The following LIG3 variants were observed in gnomAD, a reference collection of about 807,000 sequenced individuals.
LIG3 encodes the protein DNA ligase 3, also known as ligase II, DNA, ATP-dependent.
Under a neutral mutation model 110.9 loss-of-function variants are expected in LIG3, and 58 were observed. The observed-to-expected ratio is 0.52, with a 90% CI of 0.42 to 0.65. LIG3 has a LOEUF of 0.65. LIG3 is among the 30% of genes least tolerant of loss of function. The pLI is 0.00. For missense variants in LIG3, 1,094 were observed against 1,273.8 expected (o/e 0.86, Z 2.15); for synonymous variants, 422 against 472.8 (o/e 0.89, Z 1.39).
At position 34,996,649 on chromosome 17, in the gene LIG3, G is replaced by A. The variant is rs1165451128; in HGVS notation, c.1819G>A (p.Asp607Asn). The change falls in exon 11 of 20, where the codon GAC (aspartate) becomes AAC (asparagine). Residue 607 changes from aspartate (D) to asparagine (N), a missense_variant. Physicochemically the swap from Asp to Asn is conservative, Grantham distance 23. Transcript: ENST00000378526. ...CIYFNDVSLM[D>N]RPLCERRKFL... ...CTACTTTAATGATGTCAGCTTGATG[G>A]ACAGGTGAGTTGGCTAGCATCTTTA... is the stretch of plus-strand genomic sequence containing the variant. The A allele has an allele frequency of 1.2e-6, 2 of 1,613,138 alleles. No individual in the cohort carries two copies. Among genetic ancestry groups the A allele is most frequent in the Admixed American group, 3.3e-5 (2 of 60,016 alleles).
rs756204673 is a variant in LIG3 at position 35,004,276 on chromosome 17, T to C, written c.2800T>C (p.Leu934=). The change falls in exon 20 of 20, where the codon TTG becomes CTG. Residue 934 remains leucine (L), a synonymous_variant. Transcript: ENST00000378526. ...ADETLCQTKV[L]LDIFTGVRLY... Reference sequence around the variant, plus strand: ...CCTGACCCCTCTGCATTTGCAGGTATTGCTGGACATCTTCACTGGGGTGCG... The same window carrying C: ...CCTGACCCCTCTGCATTTGCAGGTACTGCTGGACATCTTCACTGGGGTGCG... 2 of 1,613,954 alleles carry C rather than the reference T, an allele frequency of 1.2e-6. No homozygotes were observed. Among genetic ancestry groups the C allele is most frequent in the Non-Finnish European group, 1.7e-6 (2 of 1,179,874 alleles).
At chr17:34,991,308 T>C in intron 5 of LIG3, 194 bp downstream of exon 5, 1 of 609,794 alleles carries the variant, frequency 1.6e-6, no homozygotes, top group Non-Finnish European at 2.8e-6. Flanking sequence ...TTTCTGAGGG[T>C]GGAAACCATA....
At position 34,983,521 on chromosome 17, in the gene LIG3, T is replaced by C. The variant is rs2090626458; in HGVS notation, c.516T>C (p.Asn172=). The change falls in exon 2 of 20, where the codon AAT becomes AAC. Residue 172 remains asparagine (N), a synonymous_variant. Transcript: ENST00000378526. ...AAGGCTGGGAAGAGCTGGAAGATAA[T>C]GAGAAGGAACAGATAACCCAGCACA... ...ELEGWEELED[N]EKEQITQHIA... 2 of 1,613,738 alleles carry C rather than the reference T, an allele frequency of 1.2e-6. No homozygotes were observed. The highest frequency in any genetic ancestry group is 2.7e-5 in the African/African-American group (2 of 75,008).
chr17:35,002,633 G>C (rs751575003), intron 18 of LIG3, 35 bp from the exon 19 acceptor site: 14 of 1,601,176 alleles, frequency 8.7e-6, no homozygotes, highest in Non-Finnish European at 1.0e-5. Context: ...CTATAGGTGT[G>C]CACCACCACA....
Position 34,992,516 on chromosome 17 carries a change from C to T in LIG3, c.1287-8C>T. On this transcript the variant is annotated splice_polypyrimidine_tract_variant and splice_region_variant and intron_variant, in intron 7 of 19. Transcript: ENST00000378526. ...GTTTTGTTTCCTTGTTCCTGTACCC[C>T]TTGGCAGGTTAGACGCCCTTGACCC... The T allele has an allele frequency of 6.3e-7, 1 of 1,575,850 alleles. No individual in the cohort carries two copies. The highest frequency in any genetic ancestry group is 1.7e-4 in the Middle Eastern group (1 of 5,844).
At chr17:34,986,974 A>T (rs1030532083) in intron 3 of LIG3, among the ~76,000 whole-genome samples, 1 of 152,222 alleles carries the variant, frequency 6.6e-6, no homozygotes, top group Non-Finnish European at 1.5e-5. Context: ...CTAGGGATGA[A>T]GCTTGCAGAC....
intron 2 of LIG3, among the ~76,000 whole-genome samples, chr17:34,984,367 TACTGTACTTA>T (rs1178702194): frequency 6.6e-6 from 1 of 152,254 alleles, no homozygotes; most frequent in Non-Finnish European, 1.5e-5. Context: ...TATAATTCAT[TACTGTACTTA>T]ACTAATTTGA....
At chr17:34,984,924 C>T (rs1236134113) in intron 2 of LIG3, among the ~76,000 whole-genome samples, 3 of 152,084 alleles carry the variant, frequency 2.0e-5, no homozygotes, top group Non-Finnish European at 4.4e-5. Flanking sequence ...ACTACAGGCA[C>T]TTGACACCAC....
intron 18 of LIG3, 81 bp from the exon 19 acceptor site, chr17:35,002,587 C>T: frequency 2.0e-6 from 3 of 1,491,152 alleles, no homozygotes; most frequent in Non-Finnish European, 2.7e-6. Context: ...CAGCCTCGAA[C>T]TCCTGAGTTG....
At chr17:34,998,533 C>T in intron 13 of LIG3, 71 bp from the exon 14 acceptor site, 1 of 1,569,276 alleles carries the variant, frequency 6.4e-7, no homozygotes, top group South Asian at 1.2e-5. Flanking sequence ...TGGTGTGTAG[C>T]AGTGAAGGGG....
chr17:34,992,456 G>A (rs1328378459), intron 7 of LIG3, 68 bp from the exon 8 acceptor site: 7 of 1,438,562 alleles, frequency 4.9e-6, no homozygotes, highest in Non-Finnish European at 6.6e-6. Flanking sequence ...AGGACAGATT[G>A]CTGTCCAAAG....
At chr17:35,000,352 G>A (rs1179130988) in intron 16 of LIG3, among the ~76,000 whole-genome samples, 1 of 152,154 alleles carries the variant, frequency 6.6e-6, no homozygotes, top group Non-Finnish European at 1.5e-5. Context: ...TCCGCCTCCC[G>A]GGTTCAAGTG....
intron 12 of LIG3, 49 bp downstream of exon 12, chr17:34,997,874 G>T: frequency 7.3e-7 from 1 of 1,378,642 alleles, no homozygotes. Context: ...TTGAAAGCAG[G>T]GCAGAGAACT....
At position 34,998,263 on chromosome 17, in the gene LIG3, G is replaced by A; in HGVS notation, c.1956G>A (p.Glu652=). 5 of 1,613,822 alleles carry A rather than the reference G, an allele frequency of 3.1e-6. No homozygotes were observed. Among genetic ancestry groups the A allele is most frequent in the Non-Finnish European group, 4.2e-6 (5 of 1,179,880 alleles). The change falls in exon 13 of 20, where the codon GAG becomes GAA. Residue 652 remains glutamate, a synonymous_variant. Coordinates refer to ENST00000378526, the MANE Select transcript of LIG3 (RefSeq NM_013975.4). ...LADMITRVIQ[E]GLEGLVLKDV... ...ACATGATAACCCGGGTGATCCAGGAGGGATTGGAGGGGCTGGTGCTGAAGG... is the reference window on the plus strand; with the variant it reads ...ACATGATAACCCGGGTGATCCAGGAAGGATTGGAGGGGCTGGTGCTGAAGG...
chr17:35,004,387 GAT>G lies in LIG3; in HGVS notation c.2914_2915del (p.Met972AspfsTer9). Reference protein sequence around the residue: ...AFDGDLVQEFDMTSATHVLGS... With the variant: ...AFDGDLVQEFXMTSATHVLGS... ...CGACGGGGACCTGGTACAGGAATTTGATATGACTTCAGCCACGCACGTGCTGG... is the reference window on the plus strand; with the variant it reads ...CGACGGGGACCTGGTACAGGAATTTGATGACTTCAGCCACGCACGTGCTGG... On this transcript the variant is annotated frameshift_variant, in exon 20 of 20. Transcript: ENST00000378526. LOFTEE classifies it high-confidence loss of function. The G allele has an allele frequency of 6.2e-7, 1 of 1,614,218 alleles. No individual in the cohort carries two copies. The highest frequency in any genetic ancestry group is 8.5e-7 in the Non-Finnish European group (1 of 1,180,044).
chr17:35,003,445 G>C lies in LIG3; in HGVS notation c.2796+656G>C, dbSNP rs1161344720. On this transcript the variant is annotated intron_variant, in intron 19 of 19. Transcript: ENST00000378526. ...TTCTCCGGCTTCAGCCTCCCGAGTAGCTGGGAGTATAGGCATGTGCCACCA... is the reference window on the plus strand; with the variant it reads ...TTCTCCGGCTTCAGCCTCCCGAGTACCTGGGAGTATAGGCATGTGCCACCA... 2.3e-5 allele frequency: 5 copies of C among 218,372 alleles called. No individual in the cohort carries two copies. The Admixed American group carries it at 2.5e-4, about 11-fold the overall frequency. 13.5% of individuals were successfully genotyped at this position (218,372 alleles called of 1,614,324 possible).
At chr17:35,001,493 C>T in intron 17 of LIG3, 90 bp downstream of exon 17, 2 of 1,320,960 alleles carry the variant, frequency 1.5e-6, no homozygotes, top group South Asian at 2.6e-5. Context: ...TGTCCTCTGT[C>T]TTCTCCTTTC....
intron 3 of LIG3, among the ~76,000 whole-genome samples, chr17:34,987,293 A>G (rs546930625): frequency 2.0e-5 from 3 of 152,308 alleles, no homozygotes; most frequent in Admixed American, 1.3e-4. Context: ...TTATATATGT[A>G]GTTTCATTTC....
At position 34,989,624 on chromosome 17, in the gene LIG3, C is replaced by G. The variant is rs1279226170; in HGVS notation, c.850C>G (p.Gln284Glu). ...TAATCCTAGCTACAACACGAAGACC[C>G]AGATCATCCAGGACTTCCTTCGGAA... is the stretch of plus-strand genomic sequence containing the variant. ...ADNPSYNTKT[Q>E]IIQDFLRKGS... Residue 284 changes from glutamine (Q) to glutamate (E), a missense_variant, in exon 4 of 20, where the codon CAG becomes GAG. Coordinates refer to ENST00000378526, the MANE Select transcript of LIG3 (RefSeq NM_013975.4). The G allele has an allele frequency of 6.2e-7, 1 of 1,614,136 alleles. No homozygotes were observed. Among genetic ancestry groups the G allele is most frequent in the Admixed American group, 1.7e-5 (1 of 60,020 alleles).
Sources: allele counts gnomAD v4.1 joint callset (sites outside exome capture counted in the v4.1 genomes callset), GRCh38; gene constraint gnomAD v4.1.1; transcripts MANE v1.5; gene names NCBI Gene and HGNC (gene_info 2026-07-23, HGNC 2026-07-21).